NEK1: variants seen among roughly 807,000 people sequenced by gnomAD.
NEK1 encodes the protein NIMA related kinase 1.
A neutral mutation model predicts 182.1 loss-of-function variants in NEK1; 137 were observed. That is an observed-to-expected ratio of 0.75 (90% CI 0.65 to 0.87). The LOEUF is 0.87. Among genes scored for constraint, NEK1 ranks in the 40% least tolerant of loss-of-function variants. The pLI is 0.00. For synonymous variants in NEK1, 513 were observed against 492.2 expected, an observed-to-expected ratio of 1.04 and a Z score of -0.56; for missense variants, 1,391 against 1,494.4, an observed-to-expected ratio of 0.93 and a Z score of 1.14.
At chr4:169,406,856 CAT>C in intron 31 of NEK1, 109 bp from the exon 32 acceptor site, 1 of 774,872 alleles carries the variant, frequency 1.3e-6, no homozygotes, top group South Asian at 2.3e-5. Context: ...TAAAATGTAA[CAT>C]ATAAAAAGTT....
Position 169,556,057 on chromosome 4 carries a change from T to C in NEK1, c.1305A>G (p.Ser435=), listed in dbSNP as rs765909757. 9.3e-6 allele frequency: 15 copies of C among 1,613,548 alleles called. No homozygotes were observed. The South Asian group carries it at 1.2e-4, about 13-fold the overall frequency. ...FLGSGGTIAP[S]SFSSRGQYEH... is the part of the protein sequence containing the mutation. ...CATACTGTCCTCGAGAAGAAAAAGA[T>C]GATGGAGCTATAGTCCCTCCACTGC... The change falls in exon 17 of 36, where the codon TCA becomes TCG. Residue 435 remains serine, a synonymous_variant. Transcript: ENST00000507142.
At chr4:169,594,692 G>C (rs1581039545) in intron 5 of NEK1, among the ~76,000 whole-genome samples, 2 of 152,158 alleles carry the variant, frequency 1.3e-5, no homozygotes, top group East Asian at 3.9e-4. Context: ...AAATTTTCAG[G>C]ATACTTCTCA....
chr4:169,508,069 T>C (rs1013513976), intron 21 of NEK1, among the ~76,000 whole-genome samples, 179 bp downstream of exon 21: 4 of 152,234 alleles, frequency 2.6e-5, no homozygotes, highest in Non-Finnish European at 4.4e-5. Flanking sequence ...ACAAATGGTC[T>C]TATCAATTTA....
intron 23 of NEK1, among the ~76,000 whole-genome samples, chr4:169,495,187 C>A (rs1288245437): frequency 5.3e-5 from 8 of 150,680 alleles, no homozygotes; most frequent in Non-Finnish European, 1.2e-4. Flanking sequence ...CTGAATGGTA[C>A]TGCCTAGGTT....
intron 35 of NEK1, among the ~76,000 whole-genome samples, chr4:169,398,890 T>C (rs895321390): frequency 1.2e-4 from 19 of 152,218 alleles, no homozygotes; most frequent in Admixed American, 1.2e-3. Context: ...AGTAATAAAA[T>C]TAATGTTTGG....
At position 169,589,308 on chromosome 4, in the gene NEK1, T is replaced by C. The variant is rs1440500556; in HGVS notation, c.464+139A>G. 5 of 649,998 alleles carry C rather than the reference T, an allele frequency of 7.7e-6. No homozygotes were observed. The East Asian group carries it at 1.4e-4, about 19-fold the overall frequency. The allele number at this position is 649,998 out of a possible 1,614,324, so 40.3% of individuals were successfully genotyped here. ...TGACAAAATCACCTAATGATGCCTT[T>C]CTCAGAACATGTCCCAATAAAGCAA... On this transcript the variant is annotated intron_variant, in intron 7 of 35. Transcript: ENST00000507142.
chr4:169,486,430 A>T (rs1749055905), intron 23 of NEK1, among the ~76,000 whole-genome samples: 1 of 152,154 alleles, frequency 6.6e-6, no homozygotes, highest in Admixed American at 6.5e-5. Context: ...ATGTCTGCCT[A>T]CTCTTGATCA....
chr4:169,465,229 T>G (rs1268147089), intron 26 of NEK1, among the ~76,000 whole-genome samples: 1 of 152,070 alleles, frequency 6.6e-6, no homozygotes, highest in Non-Finnish European at 1.5e-5. Flanking sequence ...ATTTGATGTT[T>G]GACAAATATG....
At chr4:169,527,831 G>A (rs187652281) in intron 19 of NEK1, among the ~76,000 whole-genome samples, 47 of 151,988 alleles carry the variant, frequency 3.1e-4, no homozygotes, top group Non-Finnish European at 5.0e-4. Flanking sequence ...TACATTAAAC[G>A]TCTTTAAGTA....
intron 18 of NEK1, among the ~76,000 whole-genome samples, chr4:169,552,503 A>G (rs1167188320): frequency 6.6e-6 from 1 of 152,158 alleles, no homozygotes; most frequent in East Asian, 1.9e-4. Context: ...TTTAATGGAA[A>G]CTTGAAGCTT....
Position 169,442,945 on chromosome 4 carries a change from G to A in NEK1, c.2588-4686C>T, listed in dbSNP as rs577720666. ...CATAGCTAGTCTGGAAGATAAGGTGGAAGGATCTCCTGAGTCCAGGATTTG... is the reference window on the plus strand; with the variant it reads ...CATAGCTAGTCTGGAAGATAAGGTGAAAGGATCTCCTGAGTCCAGGATTTG... On this transcript the variant is annotated intron_variant, in intron 27 of 35. Coordinates refer to ENST00000507142, the MANE Select transcript of NEK1 (RefSeq NM_001199397.3). Among the ~76,000 whole-genome samples the A allele has an allele frequency of 2.0e-5, 3 of 152,268 alleles. No individual in the cohort carries two copies. In the East Asian group the frequency reaches 5.8e-4, roughly 29 times the overall value.
intron 27 of NEK1, among the ~76,000 whole-genome samples, chr4:169,440,482 C>A (rs1328808020): frequency 2.6e-5 from 4 of 152,196 alleles, no homozygotes; most frequent in Admixed American, 2.6e-4. Context: ...AGAGCTTCAG[C>A]ATGGCTGACC....
intron 35 of NEK1, among the ~76,000 whole-genome samples, chr4:169,399,073 A>AC (rs959845046): frequency 1.3e-5 from 2 of 151,388 alleles, no homozygotes; most frequent in African/African-American, 2.4e-5. Flanking sequence ...ACATGGTGAG[A>AC]CCCCATCTCT....
rs1431798301 is a variant in NEK1, at chr4:169,401,838, C to T, written c.3397G>A (p.Asp1133Asn). The T allele has an allele frequency of 6.2e-7, 1 of 1,612,014 alleles. No individual in the cohort carries two copies. Among genetic ancestry groups the T allele is most frequent in the East Asian group, 2.2e-5 (1 of 44,862 alleles). ...EDIVFEETDT[D>N]LQELQASMEQ... ...ATCGAGGCCTGCAGCTCTTGTAAAT[C>T]TGTGTCAGTTTCTTCAAACACACTG... Residue 1133 changes from aspartate to asparagine, a missense_variant, in exon 33 of 36, where the codon GAT becomes AAT. By Grantham distance (23) the Asp-to-Asn change is conservative. Around this residue, in one of 5 missense-constraint regions of NEK1, gnomAD observed 1,216 missense variants for 1,277.6 expected, o/e 0.95. Coordinates refer to ENST00000507142, the MANE Select transcript of NEK1 (RefSeq NM_001199397.3).
chr4:169,459,900 G>A (rs552572239), intron 27 of NEK1, among the ~76,000 whole-genome samples: 1 of 152,146 alleles, frequency 6.6e-6, no homozygotes, highest in South Asian at 2.1e-4. Flanking sequence ...AATATAAGCA[G>A]AGCACAGGGG....
At chr4:169,457,320 C>T (rs1342682953) in intron 27 of NEK1, among the ~76,000 whole-genome samples, 1 of 151,776 alleles carries the variant, frequency 6.6e-6, no homozygotes, top group Non-Finnish European at 1.5e-5. Flanking sequence ...ACCTCATGTA[C>T]CCAATAAATA....
At chr4:169,562,002 TAA>T in intron 13 of NEK1, 111 bp from the exon 14 acceptor site, 2 of 857,288 alleles carry the variant, frequency 2.3e-6, no homozygotes, top group Non-Finnish European at 3.4e-6. Flanking sequence ...GTTTTTTTTT[TAA>T]AAAAAAAAAG....
chr4:169,423,261 C>T (rs1300890544), intron 31 of NEK1, among the ~76,000 whole-genome samples: 2 of 152,112 alleles, frequency 1.3e-5, no homozygotes, highest in Non-Finnish European at 2.9e-5. Flanking sequence ...CACGACCACG[C>T]CCAGCTAATT....
chr4:169,590,677 G>A (rs1208732105), intron 6 of NEK1, 49 bp downstream of exon 6: 2 of 1,379,864 alleles, frequency 1.4e-6, no homozygotes, highest in South Asian at 2.6e-5. Context: ...AACAATGAAG[G>A]TTCCATGTCT....
Sources: allele counts gnomAD v4.1 joint callset (sites outside exome capture counted in the v4.1 genomes callset), GRCh38; gene constraint gnomAD v4.1.1; regional missense constraint gnomAD v4.1.1; transcripts MANE v1.5; gene names NCBI Gene and HGNC (gene_info 2026-07-23, HGNC 2026-07-21).